DLGAP4: variants seen among roughly 807,000 people sequenced by gnomAD.
DLGAP4 encodes the protein disks large-associated protein 4.
DLGAP4 carries 18 observed loss-of-function variants against 86.9 expected under a neutral mutation model. That is an observed-to-expected ratio of 0.21 (90% CI 0.14 to 0.31). The LOEUF (loss-of-function observed/expected upper bound fraction) is 0.31, where lower values mean the gene tolerates loss of function less well. Among genes scored for constraint, DLGAP4 ranks in the 10% least tolerant of loss-of-function variants. DLGAP4 has a pLI of 1.00. For synonymous variants in DLGAP4, 548 were observed against 574.3 expected (o/e 0.95, Z 0.65); for missense variants, 1,085 against 1,362.6 (o/e 0.80, Z 3.21).
intron 1 of DLGAP4, among the ~76,000 whole-genome samples, chr20:36,316,944 C>G (rs1453723554): frequency 4.6e-5 from 7 of 152,206 alleles, no homozygotes; most frequent in Non-Finnish European, 1.0e-4. Context: ...CCTACCAGGA[C>G]TGGCTTTTCA....
intron 1 of DLGAP4, among the ~76,000 whole-genome samples, chr20:36,349,140 C>T (rs2030049598): frequency 8.1e-6 from 1 of 123,026 alleles, no homozygotes; most frequent in Non-Finnish European, 1.6e-5. Flanking sequence ...AAAAAAAAGC[C>T]GGGTGCAATG....
chr20:36,526,096 C>T (rs761912383), intron 12 of DLGAP4, 90 bp downstream of exon 12: 4 of 1,582,756 alleles, frequency 2.5e-6, no homozygotes, highest in Non-Finnish European at 3.5e-6. Flanking sequence ...TGCTTGGCTC[C>T]CTTCTCCGTG....
chr20:36,398,268 G>A (rs535208614), intron 2 of DLGAP4, among the ~76,000 whole-genome samples: 6 of 152,194 alleles, frequency 3.9e-5, no homozygotes, highest in Non-Finnish European at 8.8e-5. Flanking sequence ...TCCTGATCCG[G>A]TCTGTGTGTC....
At chr20:36,443,001 G>T (rs1286341220) in intron 6 of DLGAP4, among the ~76,000 whole-genome samples, 3 of 152,178 alleles carry the variant, frequency 2.0e-5, no homozygotes, top group African/African-American at 7.2e-5. Flanking sequence ...TCCTCCTTTT[G>T]AAAATGGGGA....
At chr20:36,307,110 A>G (rs2065010497) in intron 1 of DLGAP4, among the ~76,000 whole-genome samples, 1 of 151,720 alleles carries the variant, frequency 6.6e-6, no homozygotes, top group South Asian at 2.1e-4. Context: ...GGGCGGGGGC[A>G]GCACCCCCCT....
At chr20:36,327,881 G>A (rs1476896890) in intron 1 of DLGAP4, among the ~76,000 whole-genome samples, 5 of 143,756 alleles carry the variant, frequency 3.5e-5, no homozygotes, top group African/African-American at 7.5e-5. Context: ...GTGAGCCACC[G>A]CGCCCGGCAA....
At chr20:36,507,835 G>A (rs1316773583) in intron 10 of DLGAP4, 2 of 152,180 alleles carry the variant, frequency 1.3e-5, no homozygotes, top group Non-Finnish European at 2.9e-5. Context: ...AAGGGCTTGG[G>A]GTGACATGAC....
chr20:36,473,388 A>C (rs2034763692), intron 7 of DLGAP4, among the ~76,000 whole-genome samples: 1 of 152,070 alleles, frequency 6.6e-6, no homozygotes, highest in African/African-American at 2.4e-5. Flanking sequence ...CAGATTCCTC[A>C]TTTGTTTGTC....
chr20:36,374,441 GT>G (rs1436464476), intron 2 of DLGAP4, among the ~76,000 whole-genome samples: 1 of 152,232 alleles, frequency 6.6e-6, no homozygotes, highest in Non-Finnish European at 1.5e-5. Flanking sequence ...AGAGCATGTG[GT>G]GGGAGTGCAA....
chr20:36,493,702 G>A (rs994160457), intron 7 of DLGAP4, among the ~76,000 whole-genome samples: 4 of 152,222 alleles, frequency 2.6e-5, no homozygotes, highest in African/African-American at 9.6e-5. Flanking sequence ...AAGGCCTGGA[G>A]AGCAGAGTGA....
chr20:36,462,392 TCTGTG>T, intron 7 of DLGAP4: 1 of 1,282,008 alleles, frequency 7.8e-7, no homozygotes, highest in Non-Finnish European at 9.8e-7. Context: ...GTCTCGCCAC[TCTGTG>T]CCTCTTGCGC....
In DLGAP4 at chr20:36,432,732, G is replaced by A; in HGVS notation, c.999+16G>A. 1 of 1,610,906 alleles carries A rather than the reference G, an allele frequency of 6.2e-7. No homozygotes were observed. Among genetic ancestry groups the A allele is most frequent in the Non-Finnish European group, 8.5e-7 (1 of 1,178,768 alleles). ...TTACCTGCAGGTGGGTCTCTGGCAG[G>A]GTCAGGGGTGGGATGAGGGCTCTGG... On this transcript the variant is annotated intron_variant, in intron 3 of 12. Coordinates refer to ENST00000339266, the MANE Select transcript of DLGAP4 (RefSeq NM_001365621.2). This position sits in a 1 kb window ranked among gnomAD's most constrained non-coding sequence, Gnocchi z 6.5.
chr20:36,526,841 C>T lies in DLGAP4; in HGVS notation c.2789C>T (p.Pro930Leu). 6.2e-7 allele frequency: 1 copy of T among 1,610,506 alleles called. No homozygotes were observed. Among genetic ancestry groups the T allele is most frequent in the Non-Finnish European group, 8.5e-7 (1 of 1,179,064 alleles). The change falls in exon 13 of 13, where the codon CCA becomes CTA. Residue 930 changes from proline (P) to leucine (L), a missense_variant. By Grantham distance (98) the Pro-to-Leu change is moderately conservative. Around this residue, in one of 2 missense-constraint regions of DLGAP4, gnomAD observed 1,082 missense variants for 1,344.1 expected, o/e 0.81. Coordinates refer to ENST00000339266, the MANE Select transcript of DLGAP4 (RefSeq NM_001365621.2). ...GAGAAGAAACCACCCCCTCCGGTCC[C>T]AAAGAAGCCAGCCAAATCCAAGCCG... ...KEEKKPPPPV[P>L]KKPAKSKPAV...
intron 2 of DLGAP4, among the ~76,000 whole-genome samples, chr20:36,368,250 C>T (rs1457651260): frequency 6.6e-6 from 1 of 152,224 alleles, no homozygotes; most frequent in Non-Finnish European, 1.5e-5. Context: ...CCCTGCTGCC[C>T]CAGATGGCTT....
intron 2 of DLGAP4, among the ~76,000 whole-genome samples, chr20:36,418,371 C>T (rs2032725808): frequency 1.3e-5 from 2 of 152,308 alleles, no homozygotes; most frequent in South Asian, 2.1e-4. Context: ...CCTCGGCCTC[C>T]CAAAGTGCTG....
intron 1 of DLGAP4, among the ~76,000 whole-genome samples, chr20:36,316,115 A>G (rs1600392322): frequency 6.6e-6 from 1 of 151,660 alleles, no homozygotes; most frequent in Non-Finnish European, 1.5e-5. Flanking sequence ...TTCCCCATTG[A>G]CCTCCCCTTC....
chr20:36,473,577 CTT>C (rs2034774603), intron 7 of DLGAP4, among the ~76,000 whole-genome samples: 1 of 152,154 alleles, frequency 6.6e-6, no homozygotes, highest in Admixed American at 6.5e-5. Flanking sequence ...AATTCTCAGA[CTT>C]ATCAATGCAA....
chr20:36,320,125 T>C, intron 1 of DLGAP4, among the ~76,000 whole-genome samples: 1 of 102,788 alleles, frequency 9.7e-6, no homozygotes, highest in East Asian at 3.5e-4. Context: ...TAGGCCCCCC[T>C]CTGTGTCTTC....
At chr20:36,488,544 A>G (rs989189601) in intron 7 of DLGAP4, among the ~76,000 whole-genome samples, 1 of 151,728 alleles carries the variant, frequency 6.6e-6, no homozygotes, top group East Asian at 1.9e-4. Context: ...CAACCAATCA[A>G]TCCATAACCT....
Sources: gnomAD v4.1 joint callset for allele counts (sites outside exome capture counted in the v4.1 genomes callset) on GRCh38, gnomAD v4.1.1 for gene constraint, gnomAD v4.1.1 regional missense constraint, Gnocchi (gnomAD v3.1) non-coding constraint, MANE v1.5 for transcripts, NCBI Gene and HGNC (gene_info 2026-07-23, HGNC 2026-07-21) for gene names.